The following OLFM3 variants were observed in gnomAD, a reference collection of about 807,000 sequenced individuals.
OLFM3 encodes the protein olfactomedin 3, also known as noelin-3.
Under a neutral mutation model 48.6 loss-of-function variants are expected in OLFM3, and 20 were observed. That is an observed-to-expected ratio of 0.41 (90% CI 0.29 to 0.60). OLFM3 has a LOEUF of 0.60. OLFM3 is among the 20% of genes least tolerant of loss of function. OLFM3 has a pLI of 0.28. For missense variants in OLFM3, 437 were observed against 544.3 expected (o/e 0.80, Z 1.96); for synonymous variants, 222 against 198.1 (o/e 1.12, Z -1.01).
intron 1 of OLFM3, among the ~76,000 whole-genome samples, chr1:101,881,934 G>C (rs774425399): frequency 6.6e-6 from 1 of 151,536 alleles, no homozygotes; most frequent in Non-Finnish European, 1.5e-5. Flanking sequence ...AGGGTGTACT[G>C]TATGTAGTCA....
chr1:101,833,003 G>A (rs1349616776), intron 2 of OLFM3, among the ~76,000 whole-genome samples: 1 of 152,072 alleles, frequency 6.6e-6, no homozygotes, highest in African/African-American at 2.4e-5. Context: ...AAAAAAAACT[G>A]TCTACGTATT....
At chr1:101,887,341 T>G (rs1657803156) in intron 1 of OLFM3, among the ~76,000 whole-genome samples, 1 of 151,920 alleles carries the variant, frequency 6.6e-6, no homozygotes, top group South Asian at 2.1e-4. Context: ...TGTTTAATAT[T>G]AAAGAGCTCC....
At chr1:101,838,161 C>T (rs1252035205) in intron 1 of OLFM3, among the ~76,000 whole-genome samples, 1 of 152,070 alleles carries the variant, frequency 6.6e-6, no homozygotes, top group African/African-American at 2.4e-5. Context: ...CACGTTCAAG[C>T]GATTCACCTG....
chr1:101,941,430 A>AT (rs2101059692), intron 1 of OLFM3, among the ~76,000 whole-genome samples: 1 of 152,250 alleles, frequency 6.6e-6, no homozygotes, highest in South Asian at 2.1e-4. Context: ...CAGAGAGGTC[A>AT]TTTTTAAAGG....
In OLFM3 at chr1:101,804,378, G is replaced by C. The variant is rs1192531297; in HGVS notation, c.1237C>G (p.Pro413Ala). Residue 413 changes from proline (P) to alanine (A), a missense_variant, in exon 6 of 6, where the codon CCC becomes GCC. Around this residue, in one of 3 missense-constraint regions of OLFM3, gnomAD observed 108 missense variants for 135.8 expected, o/e 0.80. Transcript: ENST00000370103. This position sits in a 1 kb window ranked among gnomAD's most constrained non-coding sequence, Gnocchi z 4.5. Reference sequence around the variant, plus strand: ...ATGTGAAAGTATTGGTTATGGAAGGGAATGTCTGTGTACTCATATGTGGAG... The same window carrying C: ...ATGTGAAAGTATTGGTTATGGAAGGCAATGTCTGTGTACTCATATGTGGAG... ...KTSTYEYTDIPFHNQYFHISM... is the reference protein window; with the variant it reads ...KTSTYEYTDIAFHNQYFHISM... 2 of 1,612,402 alleles carry C rather than the reference G, an allele frequency of 1.2e-6. No individual in the cohort carries two copies. The highest frequency in any genetic ancestry group is 2.7e-5 in the African/African-American group (2 of 74,740).
intron 4 of OLFM3, among the ~76,000 whole-genome samples, chr1:101,815,854 A>G (rs376989234): frequency 1.3e-5 from 2 of 152,208 alleles, no homozygotes; most frequent in African/African-American, 4.8e-5. Flanking sequence ...GGTTTTTAGC[A>G]TAATGATGAC....
chr1:101,814,121 TA>T (rs1654212852), intron 4 of OLFM3, among the ~76,000 whole-genome samples: 1 of 152,188 alleles, frequency 6.6e-6, no homozygotes, highest in Non-Finnish European at 1.5e-5. Context: ...AGTTGACTCT[TA>T]TTTTTACCTG....
At chr1:101,819,554 A>G (rs902232815) in intron 4 of OLFM3, among the ~76,000 whole-genome samples, 2 of 152,008 alleles carry the variant, frequency 1.3e-5, no homozygotes, top group African/African-American at 4.8e-5. Context: ...GCTGGTTTTG[A>G]GAAATTGGTG....
At chr1:101,855,040 G>A (rs952379635) in intron 1 of OLFM3, among the ~76,000 whole-genome samples, 2 of 152,016 alleles carry the variant, frequency 1.3e-5, no homozygotes, top group Non-Finnish European at 2.9e-5. Context: ...AGTGACAAGC[G>A]AAGTTCATCA....
chr1:101,848,243 G>T (rs1656087575), intron 1 of OLFM3, among the ~76,000 whole-genome samples: 2 of 152,128 alleles, frequency 1.3e-5, no homozygotes, highest in African/African-American at 2.4e-5. Flanking sequence ...TAAATGAAAA[G>T]AAATTGGTTA....
At chr1:101,851,325 G>A (rs933099398) in intron 1 of OLFM3, among the ~76,000 whole-genome samples, 3 of 152,134 alleles carry the variant, frequency 2.0e-5, no homozygotes, top group East Asian at 1.9e-4. Flanking sequence ...ATGTGAAATG[G>A]TTATTTGAGA....
At chr1:101,897,113 T>C (rs1168277488) in intron 1 of OLFM3, among the ~76,000 whole-genome samples, 1 of 152,168 alleles carries the variant, frequency 6.6e-6, no homozygotes, top group Non-Finnish European at 1.5e-5. Context: ...ATTTTGTAAC[T>C]GCAGGTGTGT....
intron 1 of OLFM3, among the ~76,000 whole-genome samples, chr1:101,906,539 C>T (rs1253943253): frequency 6.6e-6 from 1 of 152,030 alleles, no homozygotes; most frequent in African/African-American, 2.4e-5. Flanking sequence ...ACTTAAGTTC[C>T]TTTGATTTTA....
At chr1:101,939,572 G>C (rs138492572) in intron 1 of OLFM3, among the ~76,000 whole-genome samples, 1,572 of 152,264 alleles carry the variant, frequency 0.01, 15 homozygotes, top group Non-Finnish European at 0.017. Flanking sequence ...ACCTGAGAGA[G>C]AAGATAACAT....
chr1:101,940,679 G>A (rs1181106997), intron 1 of OLFM3, among the ~76,000 whole-genome samples: 1 of 149,564 alleles, frequency 6.7e-6, no homozygotes, highest in Non-Finnish European at 1.5e-5. Flanking sequence ...TAACTACCCA[G>A]CTATATATAT....
chr1:101,895,714 T>C (rs771407361), intron 1 of OLFM3, among the ~76,000 whole-genome samples: 11 of 152,114 alleles, frequency 7.2e-5, no homozygotes, highest in Non-Finnish European at 1.5e-4. Context: ...GCTGTTCAAT[T>C]AATTCAATGG....
At chr1:101,814,002 T>C (rs1654206646) in intron 4 of OLFM3, among the ~76,000 whole-genome samples, 1 of 152,170 alleles carries the variant, frequency 6.6e-6, no homozygotes, top group Non-Finnish European at 1.5e-5. Context: ...AAGGTAGGTA[T>C]ATGATAATTA....
intron 1 of OLFM3, among the ~76,000 whole-genome samples, chr1:101,972,513 T>C (rs1660832888): frequency 6.6e-6 from 1 of 152,140 alleles, no homozygotes; most frequent in African/African-American, 2.4e-5. Flanking sequence ...GGATGTTGGT[T>C]TGGAAAACAT....
chr1:101,919,783 A>C (rs1186465637), intron 1 of OLFM3, among the ~76,000 whole-genome samples: 1 of 152,188 alleles, frequency 6.6e-6, no homozygotes, highest in Non-Finnish European at 1.5e-5. Flanking sequence ...CTGGAGCTCC[A>C]CAGTCATTTA....
Sources: allele counts gnomAD v4.1 joint callset (sites outside exome capture counted in the v4.1 genomes callset), GRCh38; gene constraint gnomAD v4.1.1; regional missense constraint gnomAD v4.1.1; non-coding constraint Gnocchi (gnomAD v3.1); transcripts MANE v1.5; gene names NCBI Gene and HGNC (gene_info 2026-07-23, HGNC 2026-07-21).